The following THEM4 variants were observed in gnomAD, a reference collection of about 807,000 sequenced individuals.
THEM4 encodes the protein acyl-coenzyme A thioesterase THEM4.
THEM4 carries 22 observed loss-of-function variants against 25.0 expected under a neutral mutation model. That is an observed-to-expected ratio of 0.88 (90% CI 0.63 to 1.26). The LOEUF is 1.26. Among genes scored for constraint, THEM4 ranks in the 50% most tolerant of loss-of-function variants. The pLI is 0.00. For missense variants in THEM4, 286 were observed against 300.3 expected (o/e 0.95, Z 0.35); for synonymous variants, 113 against 105.6 (o/e 1.07, Z -0.43).
chr1:151,887,233 A>C (rs1330954583), intron 4 of THEM4, among the ~76,000 whole-genome samples: 2 of 152,202 alleles, frequency 1.3e-5, no homozygotes. Flanking sequence ...GTTTGAGATC[A>C]GCCTGGCCAA....
rs547158885 is a variant in THEM4, at chr1:151,902,492, T to TG, written c.99+6867dup. Reference sequence around the variant, plus strand: ...AATGATACAATGGACTTTGGGGACTTGGGGGGAAGAATGGGAGGGGGATAA... The same window carrying TG: ...AATGATACAATGGACTTTGGGGACTTGGGGGGGAAGAATGGGAGGGGGATAA... On this transcript the variant is annotated intron_variant, in intron 1 of 5. Transcript: ENST00000368814. Among the ~76,000 whole-genome samples the TG allele has an allele frequency of 2.2e-3, 334 of 150,848 alleles. 3 individuals carry two copies. Among genetic ancestry groups the TG allele is most frequent in the Non-Finnish European group, 3.6e-3 (246 of 67,730 alleles).
intron 5 of THEM4, among the ~76,000 whole-genome samples, chr1:151,875,759 C>G (rs1653658098): frequency 6.6e-6 from 1 of 151,990 alleles, no homozygotes; most frequent in African/African-American, 2.4e-5. Context: ...ATCATGAAGT[C>G]TGACTTCACT....
At chr1:151,882,013 G>C (rs1653830449) in intron 4 of THEM4, among the ~76,000 whole-genome samples, 1 of 151,314 alleles carries the variant, frequency 6.6e-6, no homozygotes, top group Admixed American at 6.6e-5. Context: ...TTTTTTCTCT[G>C]TGCTGGATTC....
At chr1:151,904,058 G>C (rs1043652295) in intron 1 of THEM4, among the ~76,000 whole-genome samples, 5 of 152,198 alleles carry the variant, frequency 3.3e-5, no homozygotes, top group African/African-American at 1.2e-4. Context: ...ATGACTTTCA[G>C]GGAAAACTTT....
intron 1 of THEM4, among the ~76,000 whole-genome samples, chr1:151,902,325 G>A (rs978462946): frequency 6.6e-6 from 1 of 152,158 alleles, no homozygotes; most frequent in Non-Finnish European, 1.5e-5. Context: ...ACACAAAATC[G>A]TGGAACCAAC....
chr1:151,898,470 C>A (rs1184756143), intron 1 of THEM4, among the ~76,000 whole-genome samples: 1 of 152,184 alleles, frequency 6.6e-6, no homozygotes, highest in Non-Finnish European at 1.5e-5. Flanking sequence ...ATGTGCCTAG[C>A]CCCAGCCCCA....
At chr1:151,884,687 G>GCT (rs1553299802) in intron 4 of THEM4, among the ~76,000 whole-genome samples, 1 of 146,504 alleles carries the variant, frequency 6.8e-6, no homozygotes, top group Non-Finnish European at 1.5e-5. Context: ...CCTTTTTTTT[G>GCT]TTTTTTTTTT....
chr1:151,894,392 CTCA>C (rs2101726138), intron 2 of THEM4, among the ~76,000 whole-genome samples: 1 of 152,116 alleles, frequency 6.6e-6, no homozygotes, highest in South Asian at 2.1e-4. Flanking sequence ...TTAATATTGG[CTCA>C]TCAATTGTAA....
intron 2 of THEM4, among the ~76,000 whole-genome samples, chr1:151,894,220 G>T (rs1654164423): frequency 6.6e-6 from 1 of 152,076 alleles, no homozygotes; most frequent in Admixed American, 6.5e-5. Flanking sequence ...AGATGTGTTT[G>T]GATGATTAAA....
intron 4 of THEM4, among the ~76,000 whole-genome samples, chr1:151,887,551 GA>G (rs1277305024): frequency 3.9e-5 from 6 of 152,008 alleles, no homozygotes; most frequent in African/African-American, 1.4e-4. Context: ...AAACATTGAT[GA>G]AAAAAATTAA....
chr1:151,882,045 C>G (rs1489450350), intron 4 of THEM4, among the ~76,000 whole-genome samples: 1 of 150,920 alleles, frequency 6.6e-6, no homozygotes, highest in Non-Finnish European at 1.5e-5. Flanking sequence ...TTTTTTCTCT[C>G]TCTCTCTGCT....
chr1:151,881,346 T>C (rs369124685), intron 4 of THEM4, among the ~76,000 whole-genome samples: 99 of 152,328 alleles, frequency 6.5e-4, no homozygotes, highest in African/African-American at 2.3e-3. Flanking sequence ...CCTCAGAATT[T>C]AGACATCAAT....
At position 151,874,568 on chromosome 1, in the gene THEM4, T is replaced by G; in HGVS notation, c.*320A>C. 1 of 309,086 alleles carries G rather than the reference T, an allele frequency of 3.2e-6. No individual in the cohort carries two copies. Among genetic ancestry groups the G allele is most frequent in the Non-Finnish European group, 6.0e-6 (1 of 167,724 alleles). The allele number at this position is 309,086 out of a possible 1,614,324, so 19.1% of individuals were successfully genotyped here. On this transcript the variant is annotated 3_prime_UTR_variant, in exon 6 of 6. Coordinates refer to ENST00000368814, the MANE Select transcript of THEM4 (RefSeq NM_053055.5). ...TTTTTGTATTTTAGTAGAGACGGAG[T>G]TTCATCGTGTTGCCCAGACTGATCT...
rs1160126891 is a variant in THEM4, at chr1:151,871,321, T to C, written c.*3567A>G. Among the ~76,000 whole-genome samples, 1 of 68,300 alleles carries C rather than the reference T, an allele frequency of 1.5e-5. No individual in the cohort carries two copies. Among genetic ancestry groups the C allele is most frequent in the Non-Finnish European group, 3.0e-5 (1 of 33,024 alleles). The allele number at this position is 68,300 out of a possible 152,430, so 44.8% of individuals were successfully genotyped here. Reference sequence around the variant, plus strand: ...GCCCAGGCGACAGAGCCAGACCCTGTCTTGAAAAAAAAAAAAAAAAAAGAA... The same window carrying C: ...GCCCAGGCGACAGAGCCAGACCCTGCCTTGAAAAAAAAAAAAAAAAAAGAA... On this transcript the variant is annotated 3_prime_UTR_variant, in exon 6 of 6. Coordinates refer to ENST00000368814, the MANE Select transcript of THEM4 (RefSeq NM_053055.5).
intron 2 of THEM4, chr1:151,890,607 A>T (rs1654075073): frequency 6.1e-6 from 1 of 163,526 alleles, no homozygotes; most frequent in Admixed American, 6.1e-5. Context: ...ATCTCAGGGC[A>T]GGCACCCTGT....
chr1:151,902,585 A>C (rs1489576942), intron 1 of THEM4, among the ~76,000 whole-genome samples: 3 of 152,204 alleles, frequency 2.0e-5, no homozygotes, highest in Non-Finnish European at 4.4e-5. Flanking sequence ...ATATCTCACA[A>C]ATCACTAGTG....
intron 4 of THEM4, among the ~76,000 whole-genome samples, 178 bp from the exon 5 acceptor site, chr1:151,877,303 C>T (rs913402177): frequency 1.3e-5 from 2 of 152,134 alleles, no homozygotes; most frequent in Admixed American, 1.3e-4. Flanking sequence ...CTCAAGCTCC[C>T]CCTCTCCCAA....
chr1:151,871,329 A>G lies in THEM4; in HGVS notation c.*3559T>C, dbSNP rs1437042079. 7.9e-4 allele frequency among the ~76,000 whole-genome samples: 91 copies of G among 115,354 alleles called. No individual in the cohort carries two copies. The highest frequency in any genetic ancestry group is 2.7e-3 in the African/African-American group (89 of 33,336). 75.7% of individuals were successfully genotyped at this position (115,354 alleles called of 152,430 possible). A position where few individuals can be genotyped will look rare whatever the true frequency, so the allele number is the denominator to read the frequency against. On this transcript the variant is annotated 3_prime_UTR_variant, in exon 6 of 6. Transcript: ENST00000368814. ...GACAGAGCCAGACCCTGTCTTGAAA[A>G]AAAAAAAAAAAAAAGAAAAAGAAAA...
chr1:151,902,449 A>G lies in THEM4; in HGVS notation c.99+6911T>C, dbSNP rs948938243. ...AATTATATGGGAGAGCTAAGCTATG[A>G]GGACGCAAAGGCATAAGAATGATAC... is the stretch of plus-strand genomic sequence containing the variant. On this transcript the variant is annotated intron_variant, in intron 1 of 5. Transcript: ENST00000368814. Among the ~76,000 whole-genome samples, 4 of 152,168 alleles carry G rather than the reference A, an allele frequency of 2.6e-5. No individual in the cohort carries two copies. In the South Asian group the frequency reaches 6.2e-4, roughly 24 times the overall value.
Sources: allele counts gnomAD v4.1 joint callset (sites outside exome capture counted in the v4.1 genomes callset), GRCh38; gene constraint gnomAD v4.1.1; transcripts MANE v1.5; gene names NCBI Gene and HGNC (gene_info 2026-07-23, HGNC 2026-07-21).